The following CNTNAP5 variants were observed in gnomAD, a reference collection of about 807,000 sequenced individuals.
The protein encoded by CNTNAP5 is contactin associated protein family member 5.
A neutral mutation model predicts 150.2 loss-of-function variants in CNTNAP5; 72 were observed. The observed-to-expected ratio is 0.48, with a 90% CI of 0.40 to 0.58. The LOEUF is 0.58. Among genes scored for constraint, CNTNAP5 ranks in the 20% least tolerant of loss-of-function variants. CNTNAP5 has a pLI of 0.00. For synonymous variants in CNTNAP5, 672 were observed against 619.8 expected, an observed-to-expected ratio of 1.08 and a Z score of -1.25; for missense variants, 1,636 against 1,626.2, an observed-to-expected ratio of 1.01 and a Z score of -0.10.
chr2:124,908,944 G>T (rs1678597502), intron 22 of CNTNAP5, among the ~76,000 whole-genome samples: 1 of 152,052 alleles, frequency 6.6e-6, no homozygotes, highest in Non-Finnish European at 1.5e-5. Context: ...TGATATTTGT[G>T]TTTTAAGTGT....
chr2:124,053,337 G>T (rs184095479), intron 1 of CNTNAP5, among the ~76,000 whole-genome samples: 9 of 139,054 alleles, frequency 6.5e-5, no homozygotes, highest in Admixed American at 2.3e-4. Context: ...CTATTTATTT[G>T]TTCTGCTTCC....
chr2:124,687,960 G>GAA (rs1679226890), intron 13 of CNTNAP5, among the ~76,000 whole-genome samples: 8 of 152,120 alleles, frequency 5.3e-5, no homozygotes, highest in Admixed American at 5.3e-4. Context: ...TACTAATTCT[G>GAA]AATTGATAGT....
intron 11 of CNTNAP5, among the ~76,000 whole-genome samples, chr2:124,608,525 C>T (rs1173338907): frequency 6.6e-6 from 1 of 152,142 alleles, no homozygotes; most frequent in African/African-American, 2.4e-5. Context: ...GTTCCATCCT[C>T]TGGTGGCAAC....
At chr2:124,096,043 G>C (rs1289971467) in intron 1 of CNTNAP5, among the ~76,000 whole-genome samples, 2 of 152,156 alleles carry the variant, frequency 1.3e-5, no homozygotes, top group Non-Finnish European at 2.9e-5. Context: ...ATTTTTCTCA[G>C]TGGGTCCCTG....
chr2:124,827,074 C>T (rs1296581419), intron 19 of CNTNAP5, among the ~76,000 whole-genome samples: 1 of 152,112 alleles, frequency 6.6e-6, no homozygotes, highest in Non-Finnish European at 1.5e-5. Context: ...GCCTGCAACA[C>T]CACACCCACC....
chr2:124,590,505 C>T lies in CNTNAP5; in HGVS notation c.1757-19296C>T, dbSNP rs1290474595. ...AACATATTTATTTTTCTTTTCTTCACTGAAATAAGGCCAAGGCAAAGTCCC... is the reference window on the plus strand; with the variant it reads ...AACATATTTATTTTTCTTTTCTTCATTGAAATAAGGCCAAGGCAAAGTCCC... On this transcript the variant is annotated intron_variant, in intron 11 of 23. Coordinates refer to ENST00000682447, the MANE Select transcript of CNTNAP5 (RefSeq NM_001367498.1). Among the ~76,000 whole-genome samples the T allele has an allele frequency of 2.6e-5, 4 of 152,162 alleles. No homozygotes were observed. The East Asian group carries it at 7.7e-4, about 29-fold the overall frequency.
At chr2:124,352,849 G>C (rs1050129479) in intron 3 of CNTNAP5, among the ~76,000 whole-genome samples, 9 of 152,122 alleles carry the variant, frequency 5.9e-5, no homozygotes, top group African/African-American at 2.2e-4. Flanking sequence ...TCCATGAATT[G>C]ACCCCTTCTT....
chr2:124,875,315 T>G (rs1264882724), intron 21 of CNTNAP5, among the ~76,000 whole-genome samples: 1 of 152,140 alleles, frequency 6.6e-6, no homozygotes, highest in East Asian at 1.9e-4. Context: ...ATGCTCACTT[T>G]GGAAGACTGA....
At chr2:124,808,544 C>T (rs113633702) in intron 19 of CNTNAP5, among the ~76,000 whole-genome samples, 8 of 149,740 alleles carry the variant, frequency 5.3e-5, no homozygotes, top group African/African-American at 1.5e-4. Flanking sequence ...GCCAAGATTG[C>T]ACCAGGGCAC....
Position 124,035,936 on chromosome 2 carries a change from G to A in CNTNAP5, c.82+10204G>A, listed in dbSNP as rs1209958611. 5.8e-4 allele frequency among the ~76,000 whole-genome samples: 3 copies of A among 5,188 alleles called. No individual in the cohort carries two copies. The South Asian group carries it at 0.02, about 35-fold the overall frequency. 3.4% of individuals were successfully genotyped at this position (5,188 alleles called of 152,430 possible). ...TTTTTTTTTTTTTTTTTTTTTTTTT[G>A]AGACGGAGTCTCGCTCTGTCGCCCA... is the stretch of plus-strand genomic sequence containing the variant. On this transcript the variant is annotated intron_variant, in intron 1 of 23. Transcript: ENST00000682447.
At chr2:124,858,127 C>T (rs906053679) in intron 19 of CNTNAP5, among the ~76,000 whole-genome samples, 2 of 152,122 alleles carry the variant, frequency 1.3e-5, no homozygotes, top group Admixed American at 6.5e-5. Context: ...TGGAAGGATT[C>T]CCTTTGAAAA....
intron 6 of CNTNAP5, among the ~76,000 whole-genome samples, chr2:124,456,369 A>T (rs976316686): frequency 5.3e-5 from 8 of 152,224 alleles, no homozygotes; most frequent in African/African-American, 1.9e-4. Context: ...CAAGAAGGTG[A>T]AAGACCTCTA....
chr2:124,344,854 G>T (rs1191263176), intron 3 of CNTNAP5, among the ~76,000 whole-genome samples: 2 of 152,128 alleles, frequency 1.3e-5, no homozygotes, highest in African/African-American at 4.8e-5. Flanking sequence ...CTCACATGCT[G>T]GGCAAACTGG....
At chr2:124,275,328 T>C (rs905506612) in intron 3 of CNTNAP5, among the ~76,000 whole-genome samples, 3 of 152,082 alleles carry the variant, frequency 2.0e-5, no homozygotes, top group Non-Finnish European at 4.4e-5. Flanking sequence ...GGTAATGAGG[T>C]TGAGTTTCTA....
At chr2:124,158,567 A>T (rs143999502) in intron 1 of CNTNAP5, among the ~76,000 whole-genome samples, 4 of 152,286 alleles carry the variant, frequency 2.6e-5, no homozygotes, top group African/African-American at 9.6e-5. Flanking sequence ...CAATTGGTTG[A>T]ATCCACGGAT....
rs1678748187 is a variant in CNTNAP5, at chr2:124,915,483, A to C, written c.*1195A>C. Among the ~76,000 whole-genome samples the C allele has an allele frequency of 6.6e-6, 1 of 152,038 alleles. No homozygotes were observed. Among genetic ancestry groups the C allele is most frequent in the African/African-American group, 2.4e-5 (1 of 41,414 alleles). On this transcript the variant is annotated 3_prime_UTR_variant, in exon 24 of 24. Coordinates refer to ENST00000682447, the MANE Select transcript of CNTNAP5 (RefSeq NM_001367498.1). The stretch of plus-strand genomic sequence containing the variant: ...TGCAAGTTTCACATTTTTTAACATC[A>C]AGCTATTCTCCAAGAAGTTTAGGAT...
chr2:124,857,671 A>G (rs1031868293), intron 19 of CNTNAP5, among the ~76,000 whole-genome samples: 6 of 146,800 alleles, frequency 4.1e-5, no homozygotes, highest in African/African-American at 1.4e-4. Context: ...ACTAAAAAAA[A>G]AAGAAAAAAA....
chr2:124,489,207 T>A (rs920494467), intron 7 of CNTNAP5, among the ~76,000 whole-genome samples: 13 of 152,346 alleles, frequency 8.5e-5, no homozygotes, highest in Middle Eastern at 3.4e-3. Context: ...CTGCTCTCAC[T>A]GCCAAAACAA....
At chr2:124,281,577 T>C (rs1202468499) in intron 3 of CNTNAP5, among the ~76,000 whole-genome samples, 1 of 152,186 alleles carries the variant, frequency 6.6e-6, no homozygotes, top group Non-Finnish European at 1.5e-5. Context: ...CATGAAGATA[T>C]TTAAAAGATT....
Sources: gnomAD v4.1 joint callset for allele counts (sites outside exome capture counted in the v4.1 genomes callset) on GRCh38, gnomAD v4.1.1 for gene constraint, MANE v1.5 for transcripts, NCBI Gene and HGNC (gene_info 2026-07-23, HGNC 2026-07-21) for gene names.